AADACL4: variants seen among roughly 807,000 people sequenced by gnomAD.
The protein encoded by AADACL4 is arylacetamide deacetylase like 4.
A neutral mutation model predicts 14.1 loss-of-function variants in AADACL4; 9 were observed. The ratio of observed to expected loss-of-function variants is 0.64; its 90% CI spans 0.39 to 1.12. The LOEUF (loss-of-function observed/expected upper bound fraction) is 1.12, where lower values mean the gene tolerates loss of function less well. AADACL4 is among the 50% of genes most tolerant of loss of function. AADACL4 has a pLI of 0.01. For synonymous variants in AADACL4, 188 were observed against 201.6 expected (o/e 0.93, Z 0.57); for missense variants, 531 against 516.1 (o/e 1.03, Z -0.28).
At chr1:12,645,245 T>TCCTCCCTC (rs375922335) in intron 1 of AADACL4, among the ~76,000 whole-genome samples, 42 of 75,950 alleles carry the variant, frequency 5.5e-4, no homozygotes, top group East Asian at 3.9e-3. Flanking sequence ...CTTCCTTCCC[T>TCCTCCCTC]CCTCCCTCCC....
Position 12,666,394 on chromosome 1 carries a change from A to G in AADACL4, c.883A>G (p.Lys295Glu). The G allele has an allele frequency of 6.2e-7, 1 of 1,614,092 alleles. No individual in the cohort carries two copies. The highest frequency in any genetic ancestry group is 8.5e-7 in the Non-Finnish European group (1 of 1,180,040). The change falls in exon 4 of 4, where the codon AAG (lysine) becomes GAG (glutamate). Residue 295 changes from lysine (K) to glutamate (E), a missense_variant. Physicochemically the swap from Lys to Glu is moderately conservative, Grantham distance 56. Transcript: ENST00000376221. ...LSPDNIPKKF[K>E]NRGYQPWSPG... is the part of the protein sequence containing the mutation. ...CCCTGACAACATCCCCAAGAAATTT[A>G]AGAACAGAGGCTACCAACCCTGGTC... is the stretch of plus-strand genomic sequence containing the variant.
In AADACL4 at chr1:12,644,714, G is replaced by A. The variant is rs1411656129; in HGVS notation, c.168G>A (p.Leu56=). The change falls in exon 1 of 4, where the codon TTG becomes TTA. Residue 56 remains leucine (L), a splice_region_variant and synonymous_variant. Coordinates refer to ENST00000376221, the MANE Select transcript of AADACL4 (RefSeq NM_001013630.2). ...LHCIFLYLVT[L]GNIFEKLGIC... The stretch of plus-strand genomic sequence containing the variant: ...GCATATTCCTCTACCTGGTCACTTT[G>A]GTGAGTTTACTCTCAGGCCACGTCG... 3.1e-6 allele frequency: 5 copies of A among 1,613,634 alleles called. No individual in the cohort carries two copies. The highest frequency in any genetic ancestry group is 3.4e-6 in the Non-Finnish European group (4 of 1,179,788).
In AADACL4 at chr1:12,644,498, G is replaced by A; in HGVS notation, c.-49G>A. ...ACCCAGCCAGGTCCTCTTCACATAA[G>A]CTATCAGACAAGCTCCTCAGGGCAG... On this transcript the variant is annotated 5_prime_UTR_variant, in exon 1 of 4. Transcript: ENST00000376221. 2 of 1,596,190 alleles carry A rather than the reference G, an allele frequency of 1.3e-6. No homozygotes were observed. Among genetic ancestry groups the A allele is most frequent in the Non-Finnish European group, 1.7e-6 (2 of 1,170,974 alleles).
chr1:12,647,090 A>ATTTTT (rs201579516), intron 1 of AADACL4, among the ~76,000 whole-genome samples: 2 of 128,782 alleles, frequency 1.6e-5, no homozygotes, highest in Admixed American at 8.0e-5. Flanking sequence ...AAAAGTGAGG[A>ATTTTT]TTTTTTTTTT....
At chr1:12,647,163 G>A (rs891002709) in intron 1 of AADACL4, among the ~76,000 whole-genome samples, 2 of 150,040 alleles carry the variant, frequency 1.3e-5, no homozygotes, top group African/African-American at 4.9e-5. Context: ...GCGTGAACAC[G>A]GCTCACTGCA....
chr1:12,661,131 C>T (rs1298011803), intron 2 of AADACL4, among the ~76,000 whole-genome samples: 2 of 152,188 alleles, frequency 1.3e-5, no homozygotes, highest in African/African-American at 4.8e-5. Flanking sequence ...GCAACCTCCT[C>T]CAAACCCTGG....
chr1:12,654,661 C>G (rs1647169974), intron 2 of AADACL4, among the ~76,000 whole-genome samples: 1 of 152,146 alleles, frequency 6.6e-6, no homozygotes, highest in African/African-American at 2.4e-5. Flanking sequence ...TAGCCACAAA[C>G]CTTCTTGGAA....
At chr1:12,664,314 G>A (rs1557552901) in intron 3 of AADACL4, among the ~76,000 whole-genome samples, 1 of 151,922 alleles carries the variant, frequency 6.6e-6, no homozygotes, top group Admixed American at 6.6e-5. Context: ...AATTTAATGT[G>A]ATAATTAGAA....
In AADACL4 at chr1:12,666,586, C is replaced by T. The variant is rs149313289; in HGVS notation, c.1075C>T (p.Arg359Cys). 44 of 1,614,044 alleles carry T rather than the reference C, an allele frequency of 2.7e-5. No individual in the cohort carries two copies. Among genetic ancestry groups the T allele is most frequent in the Non-Finnish European group, 3.3e-5 (39 of 1,180,032 alleles). The stretch of plus-strand genomic sequence containing the variant: ...TGATGACAGCTTGCTCTATAAGAAG[C>T]GCTTGGAGGACCAGGGGGTCCGCGT... The part of the protein sequence containing the change: ...LRDDSLLYKK[R>C]LEDQGVRVTW... Residue 359 changes from arginine to cysteine, a missense_variant, in exon 4 of 4, where the codon CGC becomes TGC. Transcript: ENST00000376221.
chr1:12,644,638 C>A lies in AADACL4; in HGVS notation c.92C>A (p.Thr31Lys). 1 of 1,614,180 alleles carries A rather than the reference C, an allele frequency of 6.2e-7. No individual in the cohort carries two copies. The highest frequency in any genetic ancestry group is 8.5e-7 in the Non-Finnish European group (1 of 1,180,010). The change falls in exon 1 of 4, where the codon ACG (threonine) becomes AAG (lysine). Residue 31 changes from threonine (T) to lysine (K), a missense_variant. Physicochemically the swap from Thr to Lys is moderately conservative, Grantham distance 78. Coordinates refer to ENST00000376221, the MANE Select transcript of AADACL4 (RefSeq NM_001013630.2). ...GCTGTCTTTGAGCACTTCCTCACCA[C>A]GGATATCCCTGCTACCTTGCAGCAT... ...VWAVFEHFLT[T>K]DIPATLQHPA...
At chr1:12,653,059 G>A (rs1236965049) in intron 2 of AADACL4, among the ~76,000 whole-genome samples, 1 of 152,136 alleles carries the variant, frequency 6.6e-6, no homozygotes, top group Non-Finnish European at 1.5e-5. Context: ...GATGACGGGG[G>A]AGGTCAGTCT....
Position 12,644,421 on chromosome 1 carries a change from C to G in AADACL4, c.-126C>G, listed in dbSNP as rs1557545962. 9.3e-7 allele frequency: 1 copy of G among 1,080,792 alleles called. No homozygotes were observed. Among genetic ancestry groups the G allele is most frequent in the East Asian group, 2.4e-5 (1 of 40,978 alleles). 67.0% of individuals were successfully genotyped at this position (1,080,792 alleles called of 1,614,324 possible). A position where few individuals can be genotyped will look rare whatever the true frequency, so the allele number is the denominator to read the frequency against. ...GAGAAGCTGTGTCAGGCCACTGTGT[C>G]AGGTGTCAGGCTTAGCCCAGAGAGA... is the stretch of plus-strand genomic sequence containing the variant. On this transcript the variant is annotated 5_prime_UTR_variant, in exon 1 of 4. Transcript: ENST00000376221.
chr1:12,661,705 C>CT, intron 2 of AADACL4, 86 bp from the exon 3 acceptor site: 1 of 1,360,264 alleles, frequency 7.4e-7, no homozygotes, highest in Non-Finnish European at 1.1e-6. Context: ...CACACCAAGA[C>CT]TGTCAGCTGG....
intron 1 of AADACL4, among the ~76,000 whole-genome samples, chr1:12,648,346 ATCCT>A (rs34475360): frequency 0.016 from 2,298 of 140,592 alleles, 36 homozygotes; most frequent in East Asian, 0.027. Flanking sequence ...TGGACCTCAG[ATCCT>A]TCCTTCCTTC....
chr1:12,660,378 A>T (rs1276422419), intron 2 of AADACL4, among the ~76,000 whole-genome samples: 7 of 152,166 alleles, frequency 4.6e-5, no homozygotes, highest in Non-Finnish European at 8.8e-5. Flanking sequence ...TTTTGCACCC[A>T]AGGCGATGTC....
intron 2 of AADACL4, among the ~76,000 whole-genome samples, chr1:12,656,303 A>G (rs2250830): frequency 0.15 from 23,006 of 152,130 alleles, 4,049 homozygotes; most frequent in African/African-American, 0.43. Flanking sequence ...CTGCCTCAGC[A>G]TCCAGGCATC....
intron 1 of AADACL4, among the ~76,000 whole-genome samples, chr1:12,650,005 T>G (rs573474562): frequency 2.8e-4 from 42 of 152,336 alleles, no homozygotes; most frequent in African/African-American, 9.6e-4. Flanking sequence ...ATGGAGCTGG[T>G]AATTATGCCT....
At chr1:12,648,602 C>T (rs543889265) in intron 1 of AADACL4, among the ~76,000 whole-genome samples, 60 of 147,326 alleles carry the variant, frequency 4.1e-4, no homozygotes, top group African/African-American at 1.4e-3. Flanking sequence ...GGGGTTTCTT[C>T]ATGTTGTCCA....
intron 3 of AADACL4, among the ~76,000 whole-genome samples, chr1:12,662,243 G>A (rs191589387): frequency 4.6e-5 from 7 of 152,188 alleles, no homozygotes; most frequent in East Asian, 1.9e-4. Flanking sequence ...AGGTAAAAAC[G>A]TTAAAACCAA....
Sources: gnomAD v4.1 joint callset for allele counts (sites outside exome capture counted in the v4.1 genomes callset) on GRCh38, gnomAD v4.1.1 for gene constraint, MANE v1.5 for transcripts, NCBI Gene and HGNC (gene_info 2026-07-23, HGNC 2026-07-21) for gene names.